The following DMD variants were observed in gnomAD, a reference collection of about 807,000 sequenced individuals.
DMD encodes dystrophin, also known as mutant dystrophin.
DMD carries 63 observed loss-of-function variants against 330.1 expected under a neutral mutation model. That is an observed-to-expected ratio of 0.19 (90% confidence interval 0.16 to 0.24). The LOEUF (loss-of-function observed/expected upper bound fraction) is 0.24. Ranked by LOEUF, DMD falls within the 10% of genes least tolerant of loss-of-function variation. DMD has a pLI of 1.00. For synonymous variants in DMD, 1,223 were observed against 959.8 expected, an observed-to-expected ratio of 1.27 and a Z score of -5.07; for missense variants, 3,344 against 2,684.1, an observed-to-expected ratio of 1.25 and a Z score of -5.43.
intron 59 of DMD, among the ~76,000 whole-genome samples, chrX:31,453,765 CAAAAAAAAAAA>C (rs760511403): frequency 1.1e-3 from 10 of 8,983 alleles, no homozygotes; most frequent in Non-Finnish European, 1.4e-3. Flanking sequence ...AAAAAACAAG[CAAAAAAAAAAA>C]AAAAAAAAAA....
At chrX:32,115,352 C>A (rs1355057040) in intron 44 of DMD, among the ~76,000 whole-genome samples, 1 of 111,579 alleles carries the variant, frequency 9.0e-6, no homozygotes, top group African/African-American at 3.3e-5. Flanking sequence ...CCTTCAGCCT[C>A]GGCCTCCTGA....
chrX:31,408,798 ATTATAC>A (rs2061514806), intron 60 of DMD, among the ~76,000 whole-genome samples: 1 of 111,871 alleles, frequency 8.9e-6, no homozygotes, highest in East Asian at 2.8e-4. Context: ...TTTTATTATT[ATTATAC>A]TTAAAGTTTT....
At chrX:31,341,424 A>C (rs895890803) in intron 61 of DMD, among the ~76,000 whole-genome samples, 1 of 111,921 alleles carries the variant, frequency 8.9e-6, no homozygotes, top group Non-Finnish European at 1.9e-5. Context: ...AAAAAAGCAT[A>C]AAGTGTCTGA....
intron 12 of DMD, among the ~76,000 whole-genome samples, chrX:32,596,957 A>G (rs1224929036): frequency 1.3e-4 from 14 of 111,821 alleles, no homozygotes; most frequent in Non-Finnish European, 2.4e-4. Context: ...ACTAAGAAAG[A>G]AAATTTAACT....
rs192375136 is a variant in DMD at position 33,051,939 on chromosome X, G to A, written c.32-31739C>T. 3.6e-3 allele frequency among the ~76,000 whole-genome samples: 398 copies of A among 110,963 alleles called. 1 individual carries two copies. Among genetic ancestry groups the A allele is most frequent in the African/African-American group, 0.012 (372 of 30,425 alleles). ...GCTGGGATTACAAGTGTGAGTCACC[G>A]CGCCCGACCTAAATATCCTTTAAAT... On this transcript the variant is annotated intron_variant, in intron 1 of 78. Transcript: ENST00000357033.
intron 18 of DMD, among the ~76,000 whole-genome samples, chrX:32,511,014 A>C (rs5972591): frequency 3.8e-4 from 42 of 109,843 alleles, no homozygotes; most frequent in Admixed American, 1.2e-3. Context: ...ATACACATAC[A>C]TACTGTATAT....
At chrX:33,214,043 A>G, upstream of DMD, among the ~76,000 whole-genome samples, 1 of 68,760 alleles carries the variant, frequency 1.5e-5, no homozygotes. Flanking sequence ...TAACCTTTTG[A>G]GATTGGCTTT....
intron 57 of DMD, among the ~76,000 whole-genome samples, chrX:31,481,862 C>T (rs1182646355): frequency 9.0e-6 from 1 of 111,379 alleles, no homozygotes; most frequent in African/African-American, 3.3e-5. Context: ...GATTGTAAAA[C>T]ATGAGACACA....
chrX:32,807,122 TAAAA>T (rs999286386), intron 7 of DMD, among the ~76,000 whole-genome samples: 7 of 20,741 alleles, frequency 3.4e-4, no homozygotes, highest in African/African-American at 8.8e-4. Flanking sequence ...CGGAAACATT[TAAAA>T]AAAAAAAAAA....
At chrX:32,609,757 C>T (rs1455563519) in intron 12 of DMD, among the ~76,000 whole-genome samples, 1 of 110,993 alleles carries the variant, frequency 9.0e-6, no homozygotes, top group East Asian at 2.8e-4. Flanking sequence ...ATCAGTATTT[C>T]ACATATAACC....
chrX:31,202,603 A>G (rs1228185291), intron 67 of DMD, among the ~76,000 whole-genome samples: 1 of 112,043 alleles, frequency 8.9e-6, no homozygotes, highest in Admixed American at 9.5e-5. Context: ...CTGCCCAGGA[A>G]ACCTTCTATA....
At chrX:33,232,239 T>G (rs891788654) in intron 1 of DMD, among the ~76,000 whole-genome samples, 1 of 111,473 alleles carries the variant, frequency 9.0e-6, no homozygotes, top group East Asian at 2.8e-4. Flanking sequence ...GTCAGAAACT[T>G]AGATCTACAT....
chrX:32,878,357 G>A (rs984020830), intron 2 of DMD, among the ~76,000 whole-genome samples: 1 of 111,667 alleles, frequency 9.0e-6, no homozygotes, highest in Non-Finnish European at 1.9e-5. Flanking sequence ...CAGCCTGGGC[G>A]ACAGAGTGAG....
chrX:32,998,368 CAAAAAAAAA>C (rs35708010), intron 2 of DMD, among the ~76,000 whole-genome samples: 18 of 34,680 alleles, frequency 5.2e-4, no homozygotes, highest in South Asian at 2.3e-3. Context: ...GACCCAGTGT[CAAAAAAAAA>C]AAAAAAAAAA....
At chrX:32,710,342 C>T (rs989261499) in intron 7 of DMD, among the ~76,000 whole-genome samples, 3 of 110,388 alleles carry the variant, frequency 2.7e-5, no homozygotes, top group African/African-American at 9.9e-5. Context: ...CCTCAGCTTC[C>T]TATTGTATTG....
chrX:31,266,044 T>C (rs2147732926), intron 62 of DMD, among the ~76,000 whole-genome samples: 1 of 107,602 alleles, frequency 9.3e-6, no homozygotes, highest in African/African-American at 3.4e-5. Context: ...TGTTCTGCCC[T>C]TTTTATTGCC....
At chrX:33,248,231 C>T (rs901937390) in intron 1 of DMD, among the ~76,000 whole-genome samples, 39 of 110,721 alleles carry the variant, frequency 3.5e-4, no homozygotes, top group African/African-American at 1.1e-3. Flanking sequence ...TTAGTATAGA[C>T]GTGGTTTCAC....
chrX:32,494,211 CA>C (rs1208202419), intron 19 of DMD, among the ~76,000 whole-genome samples: 1 of 111,121 alleles, frequency 9.0e-6, no homozygotes, highest in Non-Finnish European at 1.9e-5. Flanking sequence ...TTTTGCCCCC[CA>C]AAAAATGTTG....
chrX:33,272,560 A>G (rs967703148), intron 1 of DMD, among the ~76,000 whole-genome samples: 1 of 111,378 alleles, frequency 9.0e-6, no homozygotes, highest in Non-Finnish European at 1.9e-5. Context: ...AGATAGAGCT[A>G]AAGTCTTTCT....
Sources: gnomAD v4.1 joint callset for allele counts (sites outside exome capture counted in the v4.1 genomes callset) on GRCh38, gnomAD v4.1.1 for gene constraint, MANE v1.5 for transcripts, NCBI Gene and HGNC (gene_info 2026-07-23, HGNC 2026-07-21) for gene names.